Variants in KNDC1 observed in about 807,000 individuals in gnomAD.
KNDC1 encodes kinase non-catalytic C-lobe domain-containing protein 1.
KNDC1 carries 106 observed loss-of-function variants against 172.8 expected under a neutral mutation model. That is an observed-to-expected ratio of 0.61 (90% confidence interval 0.52 to 0.72). The LOEUF is 0.72. Among genes scored for constraint, KNDC1 ranks in the 30% least tolerant of loss-of-function variants. The pLI, the probability that KNDC1 is intolerant of heterozygous loss-of-function variation, is 0.00. For missense variants in KNDC1, 2,325 were observed against 2,394.5 expected (o/e 0.97, Z 0.61); for synonymous variants, 1,083 against 1,062.2 (o/e 1.02, Z -0.38).
At chr10:133,173,608 A>G (rs1413227606) in intron 3 of KNDC1, among the ~76,000 whole-genome samples, 5 of 152,250 alleles carry the variant, frequency 3.3e-5, no homozygotes, top group Admixed American at 6.5e-5. Flanking sequence ...AAATGCAGAT[A>G]TCACAAACAT....
chr10:133,218,694 C>T, intron 26 of KNDC1, 137 bp from the exon 27 acceptor site: 1 of 1,166,418 alleles, frequency 8.6e-7, no homozygotes, highest in South Asian at 1.5e-5. Flanking sequence ...TGCGTCCACA[C>T]AGCCGCTTCC....
intron 3 of KNDC1, among the ~76,000 whole-genome samples, chr10:133,173,117 G>C (rs73386689): frequency 0.086 from 13,061 of 152,226 alleles, 1,064 homozygotes; most frequent in African/African-American, 0.22. Flanking sequence ...TCCTCTTCAG[G>C]CGCTGCATTA....
Position 133,211,544 on chromosome 10 carries a change from A to C in KNDC1, c.4031A>C (p.Lys1344Thr). ...DFPRNSGLLG[K>T]LEDFISSKIL... ...CCTCGGAACAGCGGGCTGCTGGGGA[A>C]GCTAGAGGACTTCATCTCCTCCAAG... Residue 1344 changes from lysine (K) to threonine (T), a missense_variant, in exon 22 of 30, where the codon AAG becomes ACG. Coordinates refer to ENST00000304613, the MANE Select transcript of KNDC1 (RefSeq NM_152643.8). 1 of 1,613,896 alleles carries C rather than the reference A, an allele frequency of 6.2e-7. No homozygotes were observed.
rs1845552535 is a variant in KNDC1, at chr10:133,220,104, C to A, written c.5010C>A (p.Ser1670Arg). ...FTMTNGAHRW[S>R]KLRNIAKVVS... ...TGACCAACGGGGCCCACAGGTGGAG[C>A]AAGCTCAGGTGAGGAGGGGCTCAGG... The change falls in exon 29 of 30, where the codon AGC (serine) becomes AGA (arginine). Residue 1670 changes from serine to arginine, a missense_variant. Coordinates refer to ENST00000304613, the MANE Select transcript of KNDC1 (RefSeq NM_152643.8). 6.4e-7 allele frequency: 1 copy of A among 1,564,504 alleles called. No individual in the cohort carries two copies. The highest frequency in any genetic ancestry group is 2.4e-5 in the East Asian group (1 of 42,258).
At chr10:133,182,884 C>T in intron 3 of KNDC1, among the ~76,000 whole-genome samples, 1 of 144,816 alleles carries the variant, frequency 6.9e-6, no homozygotes, top group East Asian at 2.1e-4. Flanking sequence ...GCGCAGGCGG[C>T]AAGGGCATGG....
chr10:133,200,480 C>A lies in KNDC1; in HGVS notation c.2989+20C>A. The A allele has an allele frequency of 6.7e-7, 1 of 1,501,896 alleles. No homozygotes were observed. The highest frequency in any genetic ancestry group is 8.9e-7 in the Non-Finnish European group (1 of 1,125,314). The allele number at this position is 1,501,896 out of a possible 1,614,324, so 93.0% of individuals were successfully genotyped here. A position where few individuals can be genotyped will look rare whatever the true frequency, so the allele number is the denominator to read the frequency against. ...GCCTGGGTAAGTGCTGGGCGGGCCC[C>A]GCGGCAGGAGCTCTGCTGGGCGGCT... On this transcript the variant is annotated intron_variant, in intron 16 of 29. Coordinates refer to ENST00000304613, the MANE Select transcript of KNDC1 (RefSeq NM_152643.8).
intron 6 of KNDC1, among the ~76,000 whole-genome samples, chr10:133,187,957 C>A (rs10400117): frequency 0.37 from 42,802 of 116,416 alleles, 8,427 homozygotes; most frequent in South Asian, 0.55. Flanking sequence ...CCCACCCTTC[C>A]CCTCCATGAG....
At chr10:133,173,020 G>A (rs1278779185) in intron 3 of KNDC1, among the ~76,000 whole-genome samples, 2 of 152,104 alleles carry the variant, frequency 1.3e-5, no homozygotes, top group Admixed American at 1.3e-4. Context: ...AATAGTTATA[G>A]GACTGATCTC....
At chr10:133,172,365 A>T (rs1853402793) in intron 3 of KNDC1, among the ~76,000 whole-genome samples, 1 of 152,200 alleles carries the variant, frequency 6.6e-6, no homozygotes, top group South Asian at 2.1e-4. Flanking sequence ...TTTCATATTC[A>T]CATCTTTATT....
At position 133,198,933 on chromosome 10, in the gene KNDC1, G is replaced by C. The variant is rs761282775; in HGVS notation, c.2425G>C (p.Gly809Arg). Residue 809 changes from glycine to arginine, a missense_variant, in exon 14 of 30, where the codon GGG (glycine) becomes CGG (arginine). Transcript: ENST00000304613. ...AEPIPPGVAS[G>R]GLRPDALGPT... ...GCCGATCCCACCTGGAGTTGCTTCC[G>C]GGGGCCTCAGGCCCGACGCCCTGGG... The C allele has an allele frequency of 1.3e-6, 2 of 1,558,972 alleles. No individual in the cohort carries two copies. Among genetic ancestry groups the C allele is most frequent in the Admixed American group, 1.8e-5 (1 of 54,328 alleles).
chr10:133,184,200 A>C (rs1214436975), intron 5 of KNDC1, among the ~76,000 whole-genome samples: 1 of 147,484 alleles, frequency 6.8e-6, no homozygotes, highest in Non-Finnish European at 1.5e-5. Flanking sequence ...ATGCACATGC[A>C]CACCCATGCT....
rs745841636 is a variant in KNDC1, at chr10:133,201,714, G to T, written c.3203G>T (p.Arg1068Leu). The T allele has an allele frequency of 6.2e-7, 1 of 1,609,484 alleles. No individual in the cohort carries two copies. Among genetic ancestry groups the T allele is most frequent in the South Asian group, 1.1e-5 (1 of 90,600 alleles). The change falls in exon 17 of 30, where the codon CGA becomes CTA. Residue 1068 changes from arginine to leucine, a missense_variant. By Grantham distance (102) the Arg-to-Leu change is moderately radical. Coordinates refer to ENST00000304613, the MANE Select transcript of KNDC1 (RefSeq NM_152643.8). ...GCCTCAGACGTGGAGGCAGTGACCCGACTGGCCAGGTCCAAAGGGGTCGGC... is the reference window on the plus strand; with the variant it reads ...GCCTCAGACGTGGAGGCAGTGACCCTACTGGCCAGGTCCAAAGGGGTCGGC... ...GGASDVEAVT[R>L]LARSKGVGPA...
chr10:133,214,360 C>T (rs1408938001), intron 26 of KNDC1, among the ~76,000 whole-genome samples: 2 of 152,200 alleles, frequency 1.3e-5, no homozygotes, highest in African/African-American at 4.8e-5. Flanking sequence ...CTGCCACATC[C>T]ACGGCCACAT....
chr10:133,182,118 G>A (rs943286208), intron 3 of KNDC1, among the ~76,000 whole-genome samples: 1 of 152,200 alleles, frequency 6.6e-6, no homozygotes, highest in Non-Finnish European at 1.5e-5. Flanking sequence ...CTGACAGAGA[G>A]GGGGAGTCGG....
At chr10:133,189,568 A>G in intron 7 of KNDC1, 30 bp from the exon 8 acceptor site, 1 of 1,605,938 alleles carries the variant, frequency 6.2e-7, no homozygotes, top group Non-Finnish European at 8.5e-7. Flanking sequence ...GGCAGCATGC[A>G]TACCCGCCCT....
intron 17 of KNDC1, among the ~76,000 whole-genome samples, chr10:133,203,266 G>A (rs1010147450): frequency 6.7e-6 from 1 of 148,654 alleles, no homozygotes; most frequent in African/African-American, 2.5e-5. Context: ...CCAGCGGGGA[G>A]CACTCGGCCC....
chr10:133,218,502 C>T (rs1270932954), intron 26 of KNDC1, among the ~76,000 whole-genome samples: 2 of 148,162 alleles, frequency 1.3e-5, no homozygotes, highest in East Asian at 2.1e-4. Flanking sequence ...TGGGTGGGGT[C>T]GCCTTTCCCA....
chr10:133,180,789 A>G (rs1225009835), intron 3 of KNDC1, among the ~76,000 whole-genome samples: 3 of 152,264 alleles, frequency 2.0e-5, no homozygotes, highest in Admixed American at 2.0e-4. Flanking sequence ...GAGAAAGCAT[A>G]GTCCTTGCAT....
intron 17 of KNDC1, among the ~76,000 whole-genome samples, chr10:133,204,425 G>A (rs1854466638): frequency 1.3e-5 from 2 of 152,200 alleles, no homozygotes; most frequent in African/African-American, 4.8e-5. Context: ...ACTTGGCTGG[G>A]TGGCAGCGGG....
Sources: gnomAD v4.1 joint callset for allele counts (sites outside exome capture counted in the v4.1 genomes callset) on GRCh38, gnomAD v4.1.1 for gene constraint, MANE v1.5 for transcripts, NCBI Gene and HGNC (gene_info 2026-07-23, HGNC 2026-07-21) for gene names.